FAM149A: variants seen among roughly 807,000 people sequenced by gnomAD.
FAM149A encodes the protein protein FAM149A.
A neutral mutation model predicts 78.2 loss-of-function variants in FAM149A; 71 were observed. The ratio of observed to expected loss-of-function variants is 0.91; its 90% CI spans 0.75 to 1.11. The LOEUF (loss-of-function observed/expected upper bound fraction) is 1.11, where lower values mean the gene tolerates loss of function less well. Ranked by LOEUF, FAM149A falls within the 50% of genes least tolerant of loss-of-function variation. The pLI, the probability that FAM149A is intolerant of heterozygous loss-of-function variation, is 0.00. For synonymous variants in FAM149A, 446 were observed against 410.5 expected (o/e 1.09, Z -1.04); for missense variants, 1,036 against 971.0 (o/e 1.07, Z -0.89).
At chr4:186,110,143 T>C (rs1407167877) in intron 1 of FAM149A, 25 of 985,308 alleles carry the variant, frequency 2.5e-5, no homozygotes, top group Non-Finnish European at 3.0e-5. Flanking sequence ...TAAAAGACAT[T>C]TAGCAAATAT....
At chr4:186,158,553 G>T in intron 8 of FAM149A, 1 of 921,910 alleles carries the variant, frequency 1.1e-6, no homozygotes, top group Non-Finnish European at 1.3e-6. Flanking sequence ...TGGCCAAGGG[G>T]GAGTTTCAGG....
rs1389512610 is a variant in FAM149A at position 186,105,033 on chromosome 4, G to C, written c.-44G>C. The C allele has an allele frequency of 2.4e-6, 3 of 1,261,830 alleles. No homozygotes were observed. The highest frequency in any genetic ancestry group is 2.4e-5 in the Admixed American group (1 of 41,364). The allele number at this position is 1,261,830 out of a possible 1,614,324, so 78.2% of individuals were successfully genotyped here. On this transcript the variant is annotated 5_prime_UTR_variant, in exon 1 of 14. Coordinates refer to ENST00000389354, the MANE Select transcript of FAM149A (RefSeq NM_001367768.3). ...CGCCTCGGCCGGATCTCCGCGGTCT[G>C]AACTCTCGGGCGGCGGCGAGGACGG...
In FAM149A at chr4:186,165,512, T is replaced by C. The variant is rs760597297; in HGVS notation, c.2010+48T>C. On this transcript the variant is annotated intron_variant, in intron 11 of 13. Coordinates refer to ENST00000389354, the MANE Select transcript of FAM149A (RefSeq NM_001367768.3). ...TCAGTGGACCATTTAGGTTCTGTAT[T>C]GGAAAACAAACAAAAACAACCTTGG... is the stretch of plus-strand genomic sequence containing the variant. 3.8e-6 allele frequency: 6 copies of C among 1,599,428 alleles called. No homozygotes were observed. The South Asian group carries it at 4.5e-5, about 12-fold the overall frequency.
intron 1 of FAM149A, 107 bp from the exon 2 acceptor site, chr4:186,149,066 C>T: frequency 1.2e-6 from 1 of 867,008 alleles, no homozygotes; most frequent in Non-Finnish European, 1.5e-6. Flanking sequence ...AGGGATGTGG[C>T]AGAACGAGAG....
chr4:186,150,395 T>TTC (rs1228516202), intron 3 of FAM149A, among the ~76,000 whole-genome samples: 7 of 125,442 alleles, frequency 5.6e-5, no homozygotes, highest in East Asian at 4.7e-4. Context: ...CTTGCTTGCT[T>TTC]TCTCTCTCTC....
intron 1 of FAM149A, among the ~76,000 whole-genome samples, chr4:186,140,441 C>CTTTTTTTT (rs67506672): frequency 9.5e-6 from 1 of 104,964 alleles, no homozygotes. Flanking sequence ...ACACACCTAG[C>CTTTTTTTT]TTTTTTTTTT....
chr4:186,128,369 T>G (rs973549813), intron 1 of FAM149A, among the ~76,000 whole-genome samples: 2 of 151,930 alleles, frequency 1.3e-5, no homozygotes, highest in African/African-American at 4.8e-5. Flanking sequence ...GATACTGAGG[T>G]TAAGGACCAT....
chr4:186,152,195 T>C, intron 4 of FAM149A, 150 bp downstream of exon 4: 2 of 723,938 alleles, frequency 2.8e-6, no homozygotes, highest in Non-Finnish European at 4.6e-6. Context: ...GAGATCACTT[T>C]CCTCTTACGG....
chr4:186,144,901 C>T lies in FAM149A; in HGVS notation c.567-4272C>T, dbSNP rs1352222200. 1 of 971,596 alleles carries T rather than the reference C, an allele frequency of 1.0e-6. No individual in the cohort carries two copies. Among genetic ancestry groups the T allele is most frequent in the Non-Finnish European group, 1.2e-6 (1 of 823,208 alleles). 60.2% of individuals were successfully genotyped at this position (971,596 alleles called of 1,614,324 possible). On this transcript the variant is annotated intron_variant, in intron 1 of 13. Coordinates refer to ENST00000389354, the MANE Select transcript of FAM149A (RefSeq NM_001367768.3). This position sits in a 1 kb window ranked among gnomAD's most constrained non-coding sequence, Gnocchi z 4.2. ...CCGCGGACCCCGGGCGCGCCCGGGC[C>T]GCCTGAGCTGGGCCAGCCGCGCGGC...
intron 11 of FAM149A, among the ~76,000 whole-genome samples, chr4:186,166,168 T>A (rs562011373): frequency 7.2e-5 from 11 of 152,010 alleles, no homozygotes; most frequent in Non-Finnish European, 1.5e-4. Flanking sequence ...AAGTAACTTG[T>A]CTCTATTCAT....
At chr4:186,143,149 C>CTTTTTTTTT (rs141403092) in intron 1 of FAM149A, among the ~76,000 whole-genome samples, 7 of 85,038 alleles carry the variant, frequency 8.2e-5, no homozygotes, top group Admixed American at 1.6e-4. Flanking sequence ...TCGATTTTTA[C>CTTTTTTTTT]TTTTTTTTTT....
chr4:186,144,747 CCG>C lies in FAM149A; in HGVS notation c.567-4425_567-4424del. ...GCGGGGCCGGGGCCGGGGCCGGGGC[CCG>C]GAGCGGGGATGGGCGGGCGCAGCCG... On this transcript the variant is annotated intron_variant, in intron 1 of 13. Transcript: ENST00000389354. This position sits in a 1 kb window ranked among gnomAD's most constrained non-coding sequence, Gnocchi z 4.2. The C allele has an allele frequency of 1.1e-6, 1 of 903,966 alleles. No homozygotes were observed. Among genetic ancestry groups the C allele is most frequent in the Non-Finnish European group, 1.3e-6 (1 of 756,024 alleles). 56.0% of individuals were successfully genotyped at this position (903,966 alleles called of 1,614,324 possible).
chr4:186,157,191 A>G (rs1734102753), intron 7 of FAM149A, among the ~76,000 whole-genome samples: 1 of 152,244 alleles, frequency 6.6e-6, no homozygotes, highest in Non-Finnish European at 1.5e-5. Context: ...TTAACATTGA[A>G]CAAAAACAAA....
At chr4:186,106,664 G>C (rs911720433) in intron 1 of FAM149A, among the ~76,000 whole-genome samples, 4 of 152,082 alleles carry the variant, frequency 2.6e-5, no homozygotes, top group African/African-American at 9.7e-5. Flanking sequence ...ATGAAAACAA[G>C]CGGCCGGGCA....
rs188536022 is a variant in FAM149A at position 186,109,567 on chromosome 4, A to T, written c.566+3925A>T. The T allele has an allele frequency of 1.0e-3, 1,014 of 985,370 alleles. 1 individual carries two copies. Among genetic ancestry groups the T allele is most frequent in the Non-Finnish European group, 1.2e-3 (988 of 829,918 alleles). The allele number at this position is 985,370 out of a possible 1,614,324, so 61.0% of individuals were successfully genotyped here. On this transcript the variant is annotated intron_variant, in intron 1 of 13. Coordinates refer to ENST00000389354, the MANE Select transcript of FAM149A (RefSeq NM_001367768.3). ...GGTCATTCATTTCTTCCCTAGCTGT[A>T]GTTTTTCTTTCTTGATAATATGGAG...
chr4:186,142,064 C>A (rs538627323), intron 1 of FAM149A, among the ~76,000 whole-genome samples: 1 of 152,158 alleles, frequency 6.6e-6, no homozygotes, highest in East Asian at 1.9e-4. Flanking sequence ...TAGGCCATTT[C>A]TTTTCCCTGA....
chr4:186,110,191 T>C, intron 1 of FAM149A: 3 of 985,438 alleles, frequency 3.0e-6, no homozygotes, highest in Non-Finnish European at 2.4e-6. Context: ...CTTCCTCATA[T>C]AATCCACTGT....
At chr4:186,158,643 C>T (rs982650539) in intron 8 of FAM149A, 47 of 299,778 alleles carry the variant, frequency 1.6e-4, no homozygotes, top group South Asian at 1.5e-3. Flanking sequence ...ACACTGCCGC[C>T]CAGGTTGAGG....
intron 13 of FAM149A, 153 bp downstream of exon 13, chr4:186,167,415 T>C (rs1203361564): frequency 1.4e-6 from 1 of 734,770 alleles, no homozygotes; most frequent in East Asian, 2.8e-5. Context: ...CTCAGAAACC[T>C]CGATCACAGA....
Sources: gnomAD v4.1 joint callset for allele counts (sites outside exome capture counted in the v4.1 genomes callset) on GRCh38, gnomAD v4.1.1 for gene constraint, Gnocchi (gnomAD v3.1) non-coding constraint, MANE v1.5 for transcripts, NCBI Gene and HGNC (gene_info 2026-07-23, HGNC 2026-07-21) for gene names.